AFF1: variants seen among roughly 807,000 people sequenced by gnomAD.
The protein encoded by AFF1 is AF4/FMR2 family member 1.
In AFF1, 48 loss-of-function variants were observed where a neutral mutation model predicts 121.7. That is an observed-to-expected ratio of 0.39 (90% CI 0.31 to 0.50). The LOEUF (loss-of-function observed/expected upper bound fraction) is 0.50. AFF1 is among the 20% of genes least tolerant of loss of function. AFF1 has a pLI of 0.76. For synonymous variants in AFF1, 613 were observed against 563.0 expected (o/e 1.09, Z -1.26); for missense variants, 1,523 against 1,511.7 (o/e 1.01, Z -0.12).
intron 2 of AFF1, among the ~76,000 whole-genome samples, chr4:87,006,743 T>TG (rs1726158309): frequency 6.6e-6 from 1 of 152,226 alleles, no homozygotes. Context: ...GGTGGGTGTC[T>TG]GTACGTAGTT....
At chr4:86,962,342 T>C (rs1722214883) in intron 2 of AFF1, among the ~76,000 whole-genome samples, 1 of 152,188 alleles carries the variant, frequency 6.6e-6, no homozygotes, top group Non-Finnish European at 1.5e-5. Flanking sequence ...CAGGTAATGC[T>C]GGGCAATTTT....
At chr4:87,089,062 A>T (rs1034993323) in intron 5 of AFF1, among the ~76,000 whole-genome samples, 1 of 152,136 alleles carries the variant, frequency 6.6e-6, no homozygotes, top group Admixed American at 6.5e-5. Context: ...GTATTAAGCC[A>T]GTTTGCCGGG....
At chr4:87,116,595 T>C (rs1041362862) in intron 12 of AFF1, among the ~76,000 whole-genome samples, 1 of 152,236 alleles carries the variant, frequency 6.6e-6, no homozygotes, top group African/African-American at 2.4e-5. Flanking sequence ...TGTCTGAGAT[T>C]TGACTGATTA....
At chr4:86,965,276 A>C (rs534938922) in intron 2 of AFF1, among the ~76,000 whole-genome samples, 7 of 152,240 alleles carry the variant, frequency 4.6e-5, no homozygotes, top group Non-Finnish European at 1.0e-4. Context: ...TTTTAAAAAC[A>C]AATTCCTTGC....
intron 2 of AFF1, among the ~76,000 whole-genome samples, chr4:87,044,635 T>A (rs112272372): frequency 3.9e-5 from 6 of 152,244 alleles, no homozygotes; most frequent in African/African-American, 1.4e-4. Context: ...AAGTCTAGGA[T>A]ATCACTGAGG....
In AFF1 at chr4:87,037,162, A is replaced by G. The variant is rs192851926; in HGVS notation, c.39-9004A>G. ...CCCCAGTCTGATGTTGCTATAGTAT[A>G]TGAGGCTCTTTTAGTTTTTAATCAG... On this transcript the variant is annotated intron_variant, in intron 2 of 20. Coordinates refer to ENST00000395146, the MANE Select transcript of AFF1 (RefSeq NM_001166693.3). Among the ~76,000 whole-genome samples, 474 of 152,338 alleles carry G rather than the reference A, an allele frequency of 3.1e-3. 2 individuals carry two copies. Among genetic ancestry groups the G allele is most frequent in the Admixed American group, 5.4e-3 (83 of 15,310 alleles).
intron 2 of AFF1, among the ~76,000 whole-genome samples, chr4:86,952,031 G>A (rs961126905): frequency 1.4e-4 from 21 of 151,096 alleles, no homozygotes; most frequent in African/African-American, 5.1e-4. Flanking sequence ...TTTTATCACA[G>A]TCTTGGGTCT....
intron 4 of AFF1, among the ~76,000 whole-genome samples, chr4:87,082,541 A>G (rs1193090479): frequency 1.3e-5 from 2 of 151,996 alleles, no homozygotes; most frequent in East Asian, 1.9e-4. Context: ...TTTAATTTTT[A>G]AATTTTATTT....
At chr4:87,108,359 T>C (rs774594647) in intron 11 of AFF1, 44 bp downstream of exon 11, 2 of 1,595,940 alleles carry the variant, frequency 1.3e-6, no homozygotes, top group African/African-American at 2.7e-5. Flanking sequence ...ATGGCAGCAT[T>C]CTGTCCTTTG....
rs70953629 is a variant in AFF1 at position 86,969,879 on chromosome 4, C to CAAAAAAAAAAAAAAAAAAAAAAAAAAAAA, written c.38+21326_38+21327insAAAAAAAAAAAAAAAAAAAAAAAAAAAAA. On this transcript the variant is annotated intron_variant, in intron 2 of 20. Coordinates refer to ENST00000395146, the MANE Select transcript of AFF1 (RefSeq NM_001166693.3). ...TGGGCGGAAGAGCGAGACTCCGTCTCAAAAAAAAAAAAAAAAAAGGTAAGA... is the reference window on the plus strand; with the variant it reads ...TGGGCGGAAGAGCGAGACTCCGTCTCAAAAAAAAAAAAAAAAAAAAAAAAAAAAAAAAAAAAAAAAAAAAAAAGGTAAGA... Among the ~76,000 whole-genome samples, 10 of 63,632 alleles carry CAAAAAAAAAAAAAAAAAAAAAAAAAAAAA rather than the reference C, an allele frequency of 1.6e-4. 3 individuals are homozygous for CAAAAAAAAAAAAAAAAAAAAAAAAAAAAA. The highest frequency in any genetic ancestry group is 5.4e-4 in the African/African-American group (10 of 18,606). 41.7% of individuals were successfully genotyped at this position (63,632 alleles called of 152,430 possible).
intron 1 of AFF1, among the ~76,000 whole-genome samples, chr4:86,940,571 G>A (rs542426543): frequency 6.6e-6 from 1 of 151,964 alleles, no homozygotes; most frequent in Non-Finnish European, 1.5e-5. Context: ...GCTAATTTTT[G>A]TATTTTTAGT....
chr4:87,053,587 C>T (rs565111237), intron 4 of AFF1, among the ~76,000 whole-genome samples: 1 of 152,324 alleles, frequency 6.6e-6, no homozygotes, highest in South Asian at 2.1e-4. Flanking sequence ...GCACATCCTG[C>T]TCCTGCACCA....
intron 2 of AFF1, among the ~76,000 whole-genome samples, chr4:86,980,110 C>A (rs1438484680): frequency 6.6e-6 from 1 of 152,110 alleles, no homozygotes; most frequent in Non-Finnish European, 1.5e-5. Flanking sequence ...GGGGTTTTAC[C>A]ATGTTGGCCA....
intron 2 of AFF1, among the ~76,000 whole-genome samples, chr4:87,043,912 G>A (rs1271049291): frequency 1.3e-5 from 2 of 152,062 alleles, no homozygotes; most frequent in African/African-American, 2.4e-5. Flanking sequence ...TCCGCCTCCT[G>A]GGTTCAAGCA....
intron 4 of AFF1, among the ~76,000 whole-genome samples, chr4:87,052,095 T>C (rs1056882491): frequency 3.3e-5 from 5 of 152,076 alleles, no homozygotes; most frequent in African/African-American, 1.2e-4. Flanking sequence ...CGTATTTCAT[T>C]TCAGGCAGAG....
Position 87,046,260 on chromosome 4 carries a change from A to G in AFF1, c.133A>G (p.Ile45Val). 1 of 1,613,740 alleles carries G rather than the reference A, an allele frequency of 6.2e-7. No homozygotes were observed. Among genetic ancestry groups the G allele is most frequent in the Middle Eastern group, 1.7e-4 (1 of 6,060 alleles). Reference sequence around the variant, plus strand: ...AGAGAAAGAGGCATTTCCTGAAAAGATTCCCCTTTTTGGAGAGCCCTACAA... The same window carrying G: ...AGAGAAAGAGGCATTTCCTGAAAAGGTTCCCCTTTTTGGAGAGCCCTACAA... ...HQEKEAFPEK[I>V]PLFGEPYKTA... Residue 45 changes from isoleucine (I) to valine (V), a missense_variant, in exon 3 of 21, where the codon ATT becomes GTT. Around this residue, in one of 5 missense-constraint regions of AFF1, gnomAD observed 369 missense variants for 367.2 expected, o/e 1.00. Transcript: ENST00000395146.
chr4:86,997,761 C>CA (rs11368694), intron 2 of AFF1, among the ~76,000 whole-genome samples: 46,222 of 131,618 alleles, frequency 0.35, 7,534 homozygotes, highest in Middle Eastern at 0.42. Context: ...GACTCCATCT[C>CA]AAAAAAAAAA....
intron 5 of AFF1, among the ~76,000 whole-genome samples, chr4:87,087,428 G>T (rs1723848864): frequency 6.6e-6 from 1 of 152,198 alleles, no homozygotes; most frequent in African/African-American, 2.4e-5. Context: ...TGTATTAGAG[G>T]AACAATTAGA....
At chr4:86,985,041 TCAAA>T (rs1311347043) in intron 2 of AFF1, among the ~76,000 whole-genome samples, 2 of 148,320 alleles carry the variant, frequency 1.3e-5, no homozygotes, top group East Asian at 1.9e-4. Flanking sequence ...ACAAACAAAA[TCAAA>T]CAGTTTAAAA....
Sources: allele counts gnomAD v4.1 joint callset (sites outside exome capture counted in the v4.1 genomes callset), GRCh38; gene constraint gnomAD v4.1.1; regional missense constraint gnomAD v4.1.1; transcripts MANE v1.5; gene names NCBI Gene and HGNC (gene_info 2026-07-23, HGNC 2026-07-21).